TRPM3: variants seen among roughly 807,000 people sequenced by gnomAD.
TRPM3 encodes long transient receptor potential channel 3.
Under a neutral mutation model 181.2 loss-of-function variants are expected in TRPM3, and 77 were observed. That is an observed-to-expected ratio of 0.42 (90% CI 0.35 to 0.51). TRPM3 has a LOEUF of 0.51. Ranked by LOEUF, TRPM3 falls within the 20% of genes least tolerant of loss-of-function variation. The pLI is 0.01. For missense variants in TRPM3, 1,759 were observed against 2,196.7 expected, an observed-to-expected ratio of 0.80 and a Z score of 3.98; for synonymous variants, 745 against 796.4, an observed-to-expected ratio of 0.94 and a Z score of 1.09.
Position 71,079,829 on chromosome 9 carries a change from C to T in TRPM3, c.177+41349G>A, listed in dbSNP as rs928137210. Among the ~76,000 whole-genome samples, 75 of 152,214 alleles carry T rather than the reference C, an allele frequency of 4.9e-4. 1 individual carries two copies. Among genetic ancestry groups the T allele is most frequent in the African/African-American group, 1.4e-3 (58 of 41,534 alleles). ...TGGACTTTCCGCACTGCCCACATTA[C>T]CCCCAGTGGTCTTCTGGTCACCTTA... On this transcript the variant is annotated intron_variant, in intron 1 of 25. Transcript: ENST00000677713.
intron 1 of TRPM3, among the ~76,000 whole-genome samples, chr9:71,285,156 T>A (rs1334559885): frequency 1.3e-5 from 2 of 152,224 alleles, no homozygotes; most frequent in Non-Finnish European, 2.9e-5. Context: ...TAAGATATTT[T>A]ACATTTTCTT....
At chr9:71,050,268 A>G (rs1165756963) in intron 1 of TRPM3, among the ~76,000 whole-genome samples, 2 of 152,218 alleles carry the variant, frequency 1.3e-5, no homozygotes, top group East Asian at 3.8e-4. Flanking sequence ...TTTTATGCAT[A>G]TAAATAAAAT....
intron 1 of TRPM3, among the ~76,000 whole-genome samples, chr9:71,294,734 TTCA>T (rs1437468150): frequency 1.3e-4 from 20 of 152,076 alleles, no homozygotes. Flanking sequence ...AGCTCAGATA[TTCA>T]TCAACAAGAT....
intron 1 of TRPM3, among the ~76,000 whole-genome samples, chr9:70,991,954 A>G (rs1180376480): frequency 6.6e-6 from 1 of 151,978 alleles, no homozygotes; most frequent in Non-Finnish European, 1.5e-5. Flanking sequence ...GGTAAATCCT[A>G]CTTATCCTTT....
intron 9 of TRPM3, among the ~76,000 whole-genome samples, chr9:70,678,147 C>T (rs2064494092): frequency 6.6e-6 from 1 of 152,058 alleles, no homozygotes; most frequent in African/African-American, 2.4e-5. Flanking sequence ...GTGGAGTGGT[C>T]CCATCATGTG....
intron 1 of TRPM3, among the ~76,000 whole-genome samples, chr9:71,335,576 C>T (rs944033223): frequency 2.0e-5 from 3 of 151,990 alleles, no homozygotes; most frequent in South Asian, 4.1e-4. Flanking sequence ...ATTAAATTTC[C>T]TATTTTTTCA....
intron 1 of TRPM3, among the ~76,000 whole-genome samples, chr9:71,142,424 A>G (rs1311324286): frequency 6.6e-6 from 1 of 152,196 alleles, no homozygotes; most frequent in Non-Finnish European, 1.5e-5. Context: ...TGGAAAGGAG[A>G]AACAGACAAT....
chr9:70,835,630 C>T (rs77040440), intron 5 of TRPM3, among the ~76,000 whole-genome samples: 4,442 of 152,168 alleles, frequency 0.029, 109 homozygotes, highest in African/African-American at 0.063. Context: ...TGCTCCTACA[C>T]GCTTGCCAGT....
chr9:70,981,374 TAGC>T (rs745582592), intron 1 of TRPM3, among the ~76,000 whole-genome samples: 1 of 152,204 alleles, frequency 6.6e-6, no homozygotes, highest in Admixed American at 6.5e-5. Context: ...ATTAGCTCAT[TAGC>T]AAAGATTGTT....
At chr9:71,200,850 ATT>A (rs2078737917) in intron 1 of TRPM3, among the ~76,000 whole-genome samples, 1 of 151,014 alleles carries the variant, frequency 6.6e-6, no homozygotes, top group Admixed American at 6.6e-5. Context: ...GTGTCTTTTA[ATT>A]GGAGAATTTA....
intron 8 of TRPM3, among the ~76,000 whole-genome samples, chr9:70,757,450 T>C (rs958864308): frequency 3.3e-5 from 5 of 151,940 alleles, no homozygotes; most frequent in Non-Finnish European, 5.9e-5. Flanking sequence ...TTCCAAAAAA[T>C]AGAAAAAGAG....
At chr9:71,292,512 T>C (rs576328069) in intron 1 of TRPM3, among the ~76,000 whole-genome samples, 1 of 152,010 alleles carries the variant, frequency 6.6e-6, no homozygotes, top group African/African-American at 2.4e-5. Context: ...TATGAAAATA[T>C]GGTAAAAAGA....
At chr9:71,217,938 A>G (rs1032361981) in intron 1 of TRPM3, among the ~76,000 whole-genome samples, 8 of 152,164 alleles carry the variant, frequency 5.3e-5, no homozygotes, top group Admixed American at 2.6e-4. Flanking sequence ...AAAAGACCGA[A>G]TCACTGTTTC....
chr9:71,089,244 T>C (rs1209224486), intron 1 of TRPM3, among the ~76,000 whole-genome samples: 5 of 149,812 alleles, frequency 3.3e-5, no homozygotes, highest in Non-Finnish European at 7.4e-5. Context: ...TAGTGTTATA[T>C]AGTTTGCTAT....
intron 1 of TRPM3, among the ~76,000 whole-genome samples, chr9:70,999,222 A>T (rs751981471): frequency 2.0e-5 from 3 of 152,230 alleles, no homozygotes; most frequent in Non-Finnish European, 4.4e-5. Flanking sequence ...GGCTAGTAAT[A>T]TACTGTCTAT....
intron 7 of TRPM3, chr9:70,776,479 T>C: frequency 1.5e-6 from 1 of 664,984 alleles, no homozygotes; most frequent in South Asian, 1.6e-5. Context: ...ATTGGTTATA[T>C]ATTTTGAGCT....
intron 25 of TRPM3, among the ~76,000 whole-genome samples, chr9:70,543,578 T>C (rs1420082275): frequency 6.6e-6 from 1 of 152,158 alleles, no homozygotes; most frequent in Non-Finnish European, 1.5e-5. Flanking sequence ...ATCCCACAAA[T>C]AAGTGAGAAC....
intron 1 of TRPM3, among the ~76,000 whole-genome samples, chr9:71,357,799 AGAGATT>A (rs1196863981): frequency 4.7e-4 from 72 of 152,012 alleles, no homozygotes; most frequent in African/African-American, 1.6e-3. Context: ...CTTTATACAG[AGAGATT>A]GAGTCAAATA....
At chr9:71,157,776 C>A (rs552152857) in intron 1 of TRPM3, among the ~76,000 whole-genome samples, 17 of 152,010 alleles carry the variant, frequency 1.1e-4, no homozygotes, top group Non-Finnish European at 1.9e-4. Context: ...GATGGTAAGT[C>A]ATAAAAGAAA....
Sources: allele counts gnomAD v4.1 joint callset (sites outside exome capture counted in the v4.1 genomes callset), GRCh38; gene constraint gnomAD v4.1.1; transcripts MANE v1.5; gene names NCBI Gene and HGNC (gene_info 2026-07-23, HGNC 2026-07-21).